Variants in NLRP8 observed in about 807,000 individuals in gnomAD.
NLRP8 encodes the protein NACHT, LRR and PYD domains-containing protein 8.
In NLRP8, 86 loss-of-function variants were observed where a neutral mutation model predicts 88.7. The ratio of observed to expected loss-of-function variants is 0.97; its 90% CI spans 0.81 to 1.16. The LOEUF (loss-of-function observed/expected upper bound fraction) is 1.16, where lower values mean the gene tolerates loss of function less well. NLRP8 is among the 50% of genes most tolerant of loss of function. The pLI, the probability that NLRP8 is intolerant of heterozygous loss-of-function variation, is 0.00. For synonymous variants in NLRP8, 504 were observed against 494.6 expected (o/e 1.02, Z -0.25); for missense variants, 1,342 against 1,286.5 (o/e 1.04, Z -0.66).
In NLRP8 at chr19:55,987,939, C is replaced by A. The variant is rs1568472860; in HGVS notation, c.*26C>A. The A allele has an allele frequency of 2.6e-6, 4 of 1,535,914 alleles. No individual in the cohort carries two copies. The highest frequency in any genetic ancestry group is 1.7e-5 in the Admixed American group (1 of 59,902). On this transcript the variant is annotated 3_prime_UTR_variant, in exon 10 of 10. Transcript: ENST00000291971. ...GCCGTCCAGTCATCTTTCTCTGGGGCTTGATTGATCAGTTCCCACTCTGAC... is the reference window on the plus strand; with the variant it reads ...GCCGTCCAGTCATCTTTCTCTGGGGATTGATTGATCAGTTCCCACTCTGAC...
At chr19:55,975,179 A>G (rs1380011798) in intron 7 of NLRP8, among the ~76,000 whole-genome samples, 1 of 152,224 alleles carries the variant, frequency 6.6e-6, no homozygotes, top group African/African-American at 2.4e-5. Flanking sequence ...TGAGAATATG[A>G]GCTGCTAAAA....
chr19:55,966,466 C>T, intron 5 of NLRP8, 86 bp downstream of exon 5: 1 of 1,289,986 alleles, frequency 7.8e-7, no homozygotes, highest in Non-Finnish European at 1.1e-6. Flanking sequence ...CAGTTTCCCT[C>T]TGTCCTTTCC....
intron 4 of NLRP8, among the ~76,000 whole-genome samples, chr19:55,963,874 G>A (rs1438425889): frequency 2.0e-5 from 3 of 152,096 alleles, no homozygotes; most frequent in Non-Finnish European, 4.4e-5. Flanking sequence ...TATAATGTAA[G>A]AGTGAGCGTG....
Position 55,973,709 on chromosome 19 carries a change from G to T in NLRP8, c.2592G>T (p.Arg864Ser), listed in dbSNP as rs1024634999. The T allele has an allele frequency of 1.2e-6, 2 of 1,613,732 alleles. No homozygotes were observed. Among genetic ancestry groups the T allele is most frequent in the African/African-American group, 2.7e-5 (2 of 74,926 alleles). ...GTGAAAGCCTTGCCTCCTGTCTCAG[G>T]CAGAGTAAGATGCTGACCCACCTGA... The change falls in exon 7 of 10, where the codon AGG (arginine) becomes AGT (serine). Residue 864 changes from arginine (R) to serine (S), a missense_variant. Arg to Ser is a moderately radical substitution (Grantham distance 110). Coordinates refer to ENST00000291971, the MANE Select transcript of NLRP8 (RefSeq NM_176811.2).
rs1378431631 is a variant in NLRP8 at position 55,957,670 on chromosome 19, TAATTATATATATATATA to T, written c.2042+1571_2042+1587del. On this transcript the variant is annotated intron_variant, in intron 3 of 9. Transcript: ENST00000291971. ...CACTATCTTAAAAAAGAAAAAATAA[TAATTATATATATATATA>T]TATATATATATATATATATATATAT... is the stretch of plus-strand genomic sequence containing the variant. Among the ~76,000 whole-genome samples, 19 of 51,862 alleles carry T rather than the reference TAATTATATATATATATA, an allele frequency of 3.7e-4. 1 individual carries two copies. The highest frequency in any genetic ancestry group is 1.7e-3 in the African/African-American group (19 of 11,210). 34.0% of individuals were successfully genotyped at this position (51,862 alleles called of 152,430 possible).
chr19:55,948,341 C>T, intron 1 of NLRP8, 72 bp downstream of exon 1: 1 of 1,477,202 alleles, frequency 6.8e-7, no homozygotes, highest in East Asian at 2.3e-5. Context: ...CTAGTCACCA[C>T]CCCTATCACT....
Position 55,955,690 on chromosome 19 carries a change from T to G in NLRP8, c.1632T>G (p.Ser544Arg), listed in dbSNP as rs1462278168. Reference sequence around the variant, plus strand: ...TGAATATCCAGCGCCTGATAGCGAGTCCCAGAGGAAGCAAAAGCTATCTCT... The same window carrying G: ...TGAATATCCAGCGCCTGATAGCGAGGCCCAGAGGAAGCAAAAGCTATCTCT... Residue 544 changes from serine to arginine, a missense_variant, in exon 3 of 10, where the codon AGT becomes AGG. Ser to Arg is a moderately radical substitution (Grantham distance 110). Transcript: ENST00000291971. 2 of 1,613,838 alleles carry G rather than the reference T, an allele frequency of 1.2e-6. No individual in the cohort carries two copies. The highest frequency in any genetic ancestry group is 2.7e-5 in the African/African-American group (2 of 74,866).
At chr19:55,959,684 A>T (rs1174347374) in intron 3 of NLRP8, among the ~76,000 whole-genome samples, 9 of 152,310 alleles carry the variant, frequency 5.9e-5, no homozygotes, top group Non-Finnish European at 1.5e-5. Context: ...GAACTGGGAA[A>T]CAAGAGAGTC....
intron 9 of NLRP8, among the ~76,000 whole-genome samples, chr19:55,984,831 T>A (rs989216599): frequency 1.3e-5 from 2 of 152,042 alleles, no homozygotes; most frequent in Admixed American, 6.6e-5. Flanking sequence ...AGTGAGACCC[T>A]ATCTCAAAAG....
intron 3 of NLRP8, among the ~76,000 whole-genome samples, chr19:55,956,710 A>G (rs1979372663): frequency 6.6e-6 from 1 of 152,108 alleles, no homozygotes; most frequent in East Asian, 1.9e-4. Context: ...TAAACCTGGG[A>G]GAATACTGGG....
intron 5 of NLRP8, among the ~76,000 whole-genome samples, chr19:55,967,789 TAAAC>T (rs1417299176): frequency 1.4e-4 from 22 of 152,266 alleles, no homozygotes; most frequent in Admixed American, 1.4e-3. Context: ...AGCCAGTTGT[TAAAC>T]AACGTTTTTA....
rs111901371 is a variant in NLRP8, at chr19:55,965,756, T to A, written c.2214-457T>A. On this transcript the variant is annotated intron_variant, in intron 4 of 9. Transcript: ENST00000291971. ...GCGCTGTGGTGGTTTGCTGCACCCA[T>A]CAACTCATCATCTACGTTAGGTATT... 1.4e-3 allele frequency among the ~76,000 whole-genome samples: 213 copies of A among 152,204 alleles called. 2 individuals carry two copies. The highest frequency in any genetic ancestry group is 4.6e-3 in the African/African-American group (189 of 41,514).
At chr19:55,978,137 T>G (rs1980424606) in intron 8 of NLRP8, among the ~76,000 whole-genome samples, 1 of 152,206 alleles carries the variant, frequency 6.6e-6, no homozygotes, top group Non-Finnish European at 1.5e-5. Flanking sequence ...ACAAGACAGT[T>G]ATCTGCTTTG....
intron 1 of NLRP8, among the ~76,000 whole-genome samples, chr19:55,951,239 C>T (rs1568457845): frequency 6.6e-6 from 1 of 152,056 alleles, no homozygotes; most frequent in African/African-American, 2.4e-5. Flanking sequence ...TGTGGTTGAC[C>T]ACGAGCTCAA....
chr19:55,979,244 T>A, intron 8 of NLRP8, 150 bp from the exon 9 acceptor site: 1 of 814,750 alleles, frequency 1.2e-6, no homozygotes, highest in East Asian at 2.5e-5. Flanking sequence ...ACAAAGAAAC[T>A]GATTGACTAT....
chr19:55,983,777 C>T (rs948802266), intron 9 of NLRP8, among the ~76,000 whole-genome samples: 3 of 112,908 alleles, frequency 2.7e-5, no homozygotes, highest in Admixed American at 1.2e-4. Context: ...ACAAAGTTGG[C>T]AGGAACTATT....
At position 55,955,958 on chromosome 19, in the gene NLRP8, T is replaced by C. The variant is rs182001330; in HGVS notation, c.1900T>C (p.Leu634=). 6.7e-5 allele frequency: 108 copies of C among 1,614,154 alleles called. No homozygotes were observed. In the East Asian group the frequency reaches 1.3e-3, roughly 20 times the overall value. ...CCTAAATGATTATCATAAAGTTGTC[T>C]TGAGAATTGGCAACAACAAAGAAGT... Residue 634 remains leucine (L), a synonymous_variant, in exon 3 of 10, where the codon TTG becomes CTG. Coordinates refer to ENST00000291971, the MANE Select transcript of NLRP8 (RefSeq NM_176811.2).
In NLRP8 at chr19:55,966,359, G is replaced by A. The variant is rs376081039; in HGVS notation, c.2360G>A (p.Arg787Gln). ...CTATGCAGGGTGCTGAGATCCCCCC[G>A]GTGCCGTCTGCAGTGTCTCAGGTGA... Residue 787 changes from arginine (R) to glutamine (Q), a missense_variant, in exon 5 of 10, where the codon CGG becomes CAG. Physicochemically the swap from Arg to Gln is conservative, Grantham distance 43. Coordinates refer to ENST00000291971, the MANE Select transcript of NLRP8 (RefSeq NM_176811.2). 5.4e-5 allele frequency: 87 copies of A among 1,613,874 alleles called. 1 individual carries two copies. In the African/African-American group the frequency reaches 7.1e-4, roughly 13 times the overall value.
intron 2 of NLRP8, among the ~76,000 whole-genome samples, chr19:55,953,535 C>T (rs915694044): frequency 2.6e-5 from 4 of 151,962 alleles, no homozygotes; most frequent in Non-Finnish European, 4.4e-5. Flanking sequence ...CTCGCTCTGT[C>T]GCCCAGGCTG....
Sources: gnomAD v4.1 joint callset for allele counts (sites outside exome capture counted in the v4.1 genomes callset) on GRCh38, gnomAD v4.1.1 for gene constraint, MANE v1.5 for transcripts, NCBI Gene and HGNC (gene_info 2026-07-23, HGNC 2026-07-21) for gene names.